Variants in TEK observed in about 807,000 individuals in gnomAD.
TEK encodes TEK receptor tyrosine kinase, also known as angiopoietin-1 receptor.
A neutral mutation model predicts 131.8 loss-of-function variants in TEK; 43 were observed. That is an observed-to-expected ratio of 0.33 (90% CI 0.26 to 0.42). TEK has a LOEUF of 0.42. Ranked by LOEUF, TEK falls within the 10% of genes least tolerant of loss-of-function variation. TEK has a pLI of 1.00. For synonymous variants in TEK, 580 were observed against 491.6 expected (o/e 1.18, Z -2.38); for missense variants, 1,162 against 1,384.4 (o/e 0.84, Z 2.55).
At chr9:27,177,944 C>A (rs1480168479) in intron 6 of TEK, among the ~76,000 whole-genome samples, 2 of 152,052 alleles carry the variant, frequency 1.3e-5, no homozygotes, top group African/African-American at 4.8e-5. Context: ...GTTTTCTTTG[C>A]TGTGCAGAAG....
chr9:27,143,476 G>A (rs1270616993), intron 1 of TEK, among the ~76,000 whole-genome samples: 1 of 152,116 alleles, frequency 6.6e-6, no homozygotes. Context: ...AAACAGCCTG[G>A]TTTTAGCAAG....
chr9:27,158,676 G>GGC (rs1554691711), intron 2 of TEK, among the ~76,000 whole-genome samples: 3 of 110,402 alleles, frequency 2.7e-5, no homozygotes, highest in Non-Finnish European at 3.9e-5. Flanking sequence ...TTTTTTTTTT[G>GGC]GGGGGGTGGA....
chr9:27,148,454 G>A (rs1412754141), intron 1 of TEK, among the ~76,000 whole-genome samples: 1 of 152,174 alleles, frequency 6.6e-6, no homozygotes, highest in Non-Finnish European at 1.5e-5. Context: ...GAAACTCTTT[G>A]GCTTAAGCTG....
Position 27,228,256 on chromosome 9 carries a change from C to T in TEK, c.3251C>T (p.Ser1084Leu). Residue 1084 changes from serine to leucine, a missense_variant, in exon 22 of 23, where the codon TCA becomes TTA. Transcript: ENST00000380036. ...CWREKPYERP[S>L]FAQILVSLNR... ...CGGGAGAAGCCTTATGAGAGGCCAT[C>T]ATTTGCCCAGATATTGGTGTCCTTA... The T allele has an allele frequency of 6.2e-7, 1 of 1,613,074 alleles. No individual in the cohort carries two copies. Among genetic ancestry groups the T allele is most frequent in the Non-Finnish European group, 8.5e-7 (1 of 1,179,276 alleles).
chr9:27,116,859 A>ATTT lies in TEK; in HGVS notation c.52+7235_52+7237dup, dbSNP rs66900456. Among the ~76,000 whole-genome samples the ATTT allele has an allele frequency of 1.8e-3, 216 of 120,730 alleles. 1 individual carries two copies. Among genetic ancestry groups the ATTT allele is most frequent in the African/African-American group, 5.2e-3 (162 of 31,096 alleles). 79.2% of individuals were successfully genotyped at this position (120,730 alleles called of 152,430 possible). A position where few individuals can be genotyped will look rare whatever the true frequency, so the allele number is the denominator to read the frequency against. On this transcript the variant is annotated intron_variant, in intron 1 of 22. Transcript: ENST00000380036. ...GCTGCTGTAGCAGCCATGGAAAGAAATTTTTTTTTTTTTTTTTTTTGAGTC... is the reference window on the plus strand; with the variant it reads ...GCTGCTGTAGCAGCCATGGAAAGAAATTTTTTTTTTTTTTTTTTTTTTTGAGTC...
At chr9:27,118,888 G>T (rs549583343) in intron 1 of TEK, among the ~76,000 whole-genome samples, 15 of 152,254 alleles carry the variant, frequency 9.9e-5, no homozygotes, top group African/African-American at 3.4e-4. Context: ...CTTCATAGAG[G>T]ACACTGTATC....
intron 15 of TEK, among the ~76,000 whole-genome samples, chr9:27,208,261 A>G (rs576549782): frequency 1.3e-5 from 2 of 152,270 alleles, no homozygotes; most frequent in East Asian, 3.9e-4. Context: ...TTATTCCCTC[A>G]TGAGATGATT....
intron 1 of TEK, among the ~76,000 whole-genome samples, chr9:27,123,069 A>AAAAAAAAAAC (rs1821858056): frequency 6.7e-6 from 1 of 149,532 alleles, no homozygotes; most frequent in African/African-American, 2.4e-5. Context: ...AAAAAAAAAA[A>AAAAAAAAAAC]AAAAAAAAAC....
chr9:27,198,973 A>T (rs1253885997), intron 12 of TEK, among the ~76,000 whole-genome samples: 10 of 151,724 alleles, frequency 6.6e-5, no homozygotes, highest in African/African-American at 1.9e-4. Context: ...TTTTTTAAAA[A>T]TTTTTTTGTA....
intron 9 of TEK, among the ~76,000 whole-genome samples, chr9:27,188,473 T>G (rs890595521): frequency 4.6e-5 from 7 of 152,210 alleles, no homozygotes; most frequent in African/African-American, 1.7e-4. Context: ...ATGGCTGTAA[T>G]AAAATGTGCA....
intron 13 of TEK, 36 bp from the exon 14 acceptor site, chr9:27,204,875 C>G (rs751820588): frequency 6.2e-7 from 1 of 1,612,586 alleles, no homozygotes; most frequent in Non-Finnish European, 8.5e-7. Flanking sequence ...TCTATGTAAA[C>G]TAAACTACCT....
chr9:27,152,714 A>G (rs914546469), intron 1 of TEK, among the ~76,000 whole-genome samples: 2 of 151,958 alleles, frequency 1.3e-5, no homozygotes, highest in African/African-American at 2.4e-5. Flanking sequence ...CTTCTGGAGC[A>G]CCTTTTTAGA....
At chr9:27,186,554 T>C (rs2131176134) in intron 9 of TEK, among the ~76,000 whole-genome samples, 1 of 152,348 alleles carries the variant, frequency 6.6e-6, no homozygotes, top group Middle Eastern at 3.4e-3. Context: ...GATCCACAGA[T>C]GTGAACCCAC....
chr9:27,214,342 C>A (rs1825740789), intron 18 of TEK, among the ~76,000 whole-genome samples: 1 of 152,056 alleles, frequency 6.6e-6, no homozygotes, highest in Admixed American at 6.5e-5. Context: ...ACAAGCCCTG[C>A]AGCCTTTCCA....
intron 21 of TEK, among the ~76,000 whole-genome samples, chr9:27,222,659 T>TG (rs1826132980): frequency 6.6e-6 from 1 of 152,146 alleles, no homozygotes; most frequent in Admixed American, 6.5e-5. Flanking sequence ...GACAAGCAAG[T>TG]GCTGACATAT....
At chr9:27,196,750 C>A (rs978844685) in intron 11 of TEK, among the ~76,000 whole-genome samples, 1 of 122,532 alleles carries the variant, frequency 8.2e-6, no homozygotes, top group Non-Finnish European at 1.7e-5. Flanking sequence ...TGAGGGGGGG[C>A]GGTGCTATAC....
chr9:27,134,698 TAGA>T lies in TEK; in HGVS notation c.53-23130_53-23128del, dbSNP rs577348204. On this transcript the variant is annotated intron_variant, in intron 1 of 22. Transcript: ENST00000380036. ...CTAGATGATACATGTATGCCATCCTTAGAAGGAGTCAGATATCATCATTAAATA... is the reference window on the plus strand; with the variant it reads ...CTAGATGATACATGTATGCCATCCTTAGGAGTCAGATATCATCATTAAATA... Among the ~76,000 whole-genome samples the T allele has an allele frequency of 3.4e-3, 522 of 152,308 alleles. 3 individuals carry two copies. Among genetic ancestry groups the T allele is most frequent in the African/African-American group, 0.012 (499 of 41,556 alleles).
Position 27,229,237 on chromosome 9 carries a change from G to C in TEK, c.*5G>C, listed in dbSNP as rs112801403. The C allele has an allele frequency of 8.7e-6, 14 of 1,613,676 alleles. No homozygotes were observed. The South Asian group carries it at 1.4e-4, about 16-fold the overall frequency. ...TCTGCTGAAGAAGCGGCCTAGGACA[G>C]AACATCTGTATACCCTCTGTTTCCC... On this transcript the variant is annotated 3_prime_UTR_variant, in exon 23 of 23. Coordinates refer to ENST00000380036, the MANE Select transcript of TEK (RefSeq NM_000459.5).
rs564101385 is a variant in TEK at position 27,190,629 on chromosome 9, C to A, written c.1428C>A (p.Ile476=). ...SSEPYFGDGP[I]KSKKLLYKPV... The stretch of plus-strand genomic sequence containing the variant: ...AGCCTTACTTTGGGGATGGACCAAT[C>A]AAATCCAAGAAGCTTCTATACAAAC... The change falls in exon 10 of 23, where the codon ATC becomes ATA. Residue 476 remains isoleucine (I), a synonymous_variant. Coordinates refer to ENST00000380036, the MANE Select transcript of TEK (RefSeq NM_000459.5). The A allele has an allele frequency of 6.2e-7, 1 of 1,614,024 alleles. No homozygotes were observed. The highest frequency in any genetic ancestry group is 1.1e-5 in the South Asian group (1 of 91,072).
Sources: allele counts gnomAD v4.1 joint callset (sites outside exome capture counted in the v4.1 genomes callset), GRCh38; gene constraint gnomAD v4.1.1; transcripts MANE v1.5; gene names NCBI Gene and HGNC (gene_info 2026-07-23, HGNC 2026-07-21).